TENM1: variants seen among roughly 807,000 people sequenced by gnomAD.
The protein encoded by TENM1 is teneurin transmembrane protein 1.
A neutral mutation model predicts 174.8 loss-of-function variants in TENM1; 35 were observed. The observed-to-expected ratio is 0.20, with a 90% confidence interval of 0.15 to 0.27. The LOEUF is 0.27. Among genes scored for constraint, TENM1 ranks in the 10% least tolerant of loss-of-function variants. The probability of loss-of-function intolerance (pLI) is 1.00; values close to 1 mark genes in which losing one functional copy is unlikely to be tolerated. For synonymous variants in TENM1, 781 were observed against 798.7 expected, an observed-to-expected ratio of 0.98 and a Z score of 0.37; for missense variants, 1,633 against 2,130.1, an observed-to-expected ratio of 0.77 and a Z score of 4.59.
the TENM1 span, among the ~76,000 whole-genome samples, chrX:124,988,634 A>T: frequency 8.0e-5 from 9 of 111,854 alleles, no homozygotes; most frequent in African/African-American, 2.9e-4. Context: ...TCATAAATAT[A>T]GGAAAAATCA....
At chrX:124,727,814 G>A (rs2053476478) in intron 4 of TENM1, among the ~76,000 whole-genome samples, 1 of 111,562 alleles carries the variant, frequency 9.0e-6, no homozygotes, top group African/African-American at 3.3e-5. Flanking sequence ...TGTGCGGTAT[G>A]AAATAATACT....
the TENM1 span, among the ~76,000 whole-genome samples, chrX:124,983,672 G>A: frequency 9.0e-6 from 1 of 111,539 alleles, no homozygotes; most frequent in East Asian, 2.8e-4. Context: ...CCAGGCTGGA[G>A]TGCAGTGGTA....
intron 1 of TENM1, among the ~76,000 whole-genome samples, chrX:124,919,243 G>T (rs2057981768): frequency 8.9e-6 from 1 of 111,945 alleles, no homozygotes; most frequent in South Asian, 3.7e-4. Context: ...CAATGGCCAT[G>T]TAGGTTCTTG....
the TENM1 span, among the ~76,000 whole-genome samples, chrX:125,146,998 T>G: frequency 1.1e-3 from 122 of 110,686 alleles, 1 homozygote; most frequent in East Asian, 0.032. Flanking sequence ...ATAAGACACA[T>G]ATGAAATATA....
At chrX:124,587,877 A>G (rs1396466560) in intron 11 of TENM1, among the ~76,000 whole-genome samples, 1 of 112,018 alleles carries the variant, frequency 8.9e-6, no homozygotes, top group African/African-American at 3.3e-5. Flanking sequence ...AAAGTGGGCG[A>G]AGGACATGAA....
chrX:125,029,288 T>C, the TENM1 span, among the ~76,000 whole-genome samples: 7 of 112,142 alleles, frequency 6.2e-5, no homozygotes, highest in Admixed American at 6.6e-4. Context: ...ATAGTTCTAA[T>C]TTATCCTCAG....
At chrX:125,094,917 C>G in the TENM1 span, among the ~76,000 whole-genome samples, 3 of 112,011 alleles carry the variant, frequency 2.7e-5, no homozygotes, top group African/African-American at 9.7e-5. Flanking sequence ...AACTTAAGAG[C>G]TTAAGAATCA....
chrX:124,693,689 T>C lies in TENM1; in HGVS notation c.1015+11324A>G, dbSNP rs762001829. On this transcript the variant is annotated intron_variant, in intron 5 of 31. Transcript: ENST00000422452. ...CCTTTTTCATATCTTCAAATGTTTG[T>C]TTAAGGCTTATTAGGACTGAGATGT... is the stretch of plus-strand genomic sequence containing the variant. 1.6e-3 allele frequency among the ~76,000 whole-genome samples: 183 copies of C among 111,763 alleles called. 1 individual carries two copies. The highest frequency in any genetic ancestry group is 5.7e-3 in the African/African-American group (176 of 30,795).
At chrX:124,565,406 G>A in exon 12 of TENM1, 1 of 1,205,292 alleles carries the variant, frequency 8.3e-7, no homozygotes, top group Non-Finnish European at 1.1e-6. Flanking sequence ...CCCATCCAGG[G>A]CTACACTCAC....
At chrX:125,055,350 T>C in the TENM1 span, among the ~76,000 whole-genome samples, 32 of 111,395 alleles carry the variant, frequency 2.9e-4, no homozygotes, top group Admixed American at 1.2e-3. Context: ...ATTCTTTTAA[T>C]GGAGGAAGAG....
At chrX:124,700,547 A>C (rs1381681052) in intron 5 of TENM1, among the ~76,000 whole-genome samples, 3 of 111,803 alleles carry the variant, frequency 2.7e-5, no homozygotes, top group Non-Finnish European at 5.7e-5. Context: ...ATAGATGAGG[A>C]AACGTAGGCA....
chrX:124,697,058 A>T (rs1272404811), intron 5 of TENM1, among the ~76,000 whole-genome samples: 2 of 111,589 alleles, frequency 1.8e-5, no homozygotes, highest in Admixed American at 1.9e-4. Context: ...TAAATGAAAT[A>T]GAAGCAAGAG....
intron 3 of TENM1, among the ~76,000 whole-genome samples, chrX:124,797,849 T>C (rs1322057796): frequency 9.1e-6 from 1 of 110,463 alleles, no homozygotes; most frequent in East Asian, 2.8e-4. Context: ...CCTCCCTTTG[T>C]CCCCACCCTC....
chrX:124,561,839 A>T, intron 13 of TENM1, 22 bp from the exon 17 acceptor site: 1 of 1,204,754 alleles, frequency 8.3e-7, no homozygotes, highest in South Asian at 1.8e-5. Flanking sequence ...TCAGAGAGTA[A>T]CCATCACAGA....
At chrX:124,946,572 T>A in intron 1 of TENM1, among the ~76,000 whole-genome samples, 1 of 111,074 alleles carries the variant, frequency 9.0e-6, no homozygotes, top group East Asian at 2.8e-4. Context: ...GCTCAGAATA[T>A]GATATCTTGA....
chrX:124,487,043 CCTT>C (rs2046968058), intron 21 of TENM1, among the ~76,000 whole-genome samples, 163 bp downstream of exon 24: 1 of 111,768 alleles, frequency 8.9e-6, no homozygotes, highest in Non-Finnish European at 1.9e-5. Context: ...CATAGTGGAC[CCTT>C]CTTCTTTTGG....
intron 4 of TENM1, among the ~76,000 whole-genome samples, chrX:124,711,770 A>C (rs1471299239): frequency 8.9e-6 from 1 of 112,150 alleles, no homozygotes; most frequent in Non-Finnish European, 1.9e-5. Flanking sequence ...AGTAATGTTA[A>C]GTATTATTGA....
intron 23 of TENM1, among the ~76,000 whole-genome samples, 183 bp from the exon 27 acceptor site, chrX:124,422,821 C>T (rs377058060): frequency 1.2e-4 from 13 of 111,745 alleles, no homozygotes; most frequent in African/African-American, 4.2e-4. Context: ...TTCTGGTAAA[C>T]GTACTTATCA....
chrX:124,563,655 C>A, intron 13 of TENM1, 94 bp downstream of exon 16: 1 of 703,913 alleles, frequency 1.4e-6, no homozygotes, highest in Non-Finnish European at 2.1e-6. Context: ...AAACAAACAA[C>A]ACAAATGCCA....
Sources: allele counts gnomAD v4.1 joint callset (sites outside exome capture counted in the v4.1 genomes callset), GRCh38; gene constraint gnomAD v4.1.1; transcripts MANE v1.5; gene names NCBI Gene and HGNC (gene_info 2026-07-23, HGNC 2026-07-21).